Variants in PRELID2 observed in about 807,000 individuals in gnomAD.
The protein encoded by PRELID2 is PRELI domain containing 2.
In PRELID2, 25 loss-of-function variants were observed where a neutral mutation model predicts 28.4. The ratio of observed to expected loss-of-function variants is 0.88; its 90% confidence interval spans 0.64 to 1.23. PRELID2 has a LOEUF of 1.23. Ranked by LOEUF, PRELID2 falls within the 50% of genes most tolerant of loss-of-function variation. PRELID2 has a pLI of 0.00. For synonymous variants in PRELID2, 76 were observed against 71.6 expected (o/e 1.06, Z -0.31); for missense variants, 201 against 214.4 (o/e 0.94, Z 0.39).
At chr5:145,334,030 G>A in the PRELID2 span, among the ~76,000 whole-genome samples, 2 of 152,080 alleles carry the variant, frequency 1.3e-5, no homozygotes, top group African/African-American at 4.8e-5. Flanking sequence ...TTAGCTAGGG[G>A]AGGGAATTCC....
chr5:145,592,425 A>C (rs1457940189), intron 1 of PRELID2, among the ~76,000 whole-genome samples: 3 of 151,790 alleles, frequency 2.0e-5, no homozygotes, highest in Non-Finnish European at 4.4e-5. Context: ...GTCTCAAAAA[A>C]AAAATTGTAT....
At chr5:145,498,758 T>C (rs1752330037) in intron 1 of PRELID2, among the ~76,000 whole-genome samples, 1 of 152,008 alleles carries the variant, frequency 6.6e-6, no homozygotes, top group African/African-American at 2.4e-5. Flanking sequence ...GGTTTCACCA[T>C]GTTGGCCAAA....
At chr5:145,770,576 T>C (rs1390172406) in intron 5 of PRELID2, among the ~76,000 whole-genome samples, 1 of 152,132 alleles carries the variant, frequency 6.6e-6, no homozygotes, top group South Asian at 2.1e-4. Flanking sequence ...AAGGCATTGT[T>C]ATCACAGCAG....
At chr5:145,612,327 A>T (rs962685498) in intron 1 of PRELID2, among the ~76,000 whole-genome samples, 1 of 152,234 alleles carries the variant, frequency 6.6e-6, no homozygotes, top group African/African-American at 2.4e-5. Context: ...ACACTTTTCC[A>T]TCCAAAACAC....
At chr5:145,619,478 A>G (rs79514758) in intron 1 of PRELID2, among the ~76,000 whole-genome samples, 1 of 152,214 alleles carries the variant, frequency 6.6e-6, no homozygotes. Context: ...CAGTTTCCCT[A>G]GCAGGAGTGT....
At chr5:145,394,455 A>G in the PRELID2 span, among the ~76,000 whole-genome samples, 1 of 150,686 alleles carries the variant, frequency 6.6e-6, no homozygotes, top group Non-Finnish European at 1.5e-5. Context: ...AGGGGGAGGG[A>G]TAGCATTAGG....
At chr5:145,513,359 C>T (rs932937204) in intron 1 of PRELID2, among the ~76,000 whole-genome samples, 2 of 150,976 alleles carry the variant, frequency 1.3e-5, no homozygotes, top group African/African-American at 4.9e-5. Flanking sequence ...TATCAATAGC[C>T]GAACAGATCA....
chr5:145,308,050 G>C, the PRELID2 span, among the ~76,000 whole-genome samples: 6 of 152,164 alleles, frequency 3.9e-5, no homozygotes, highest in Admixed American at 3.3e-4. Context: ...CATTTGAAGG[G>C]AGGAAGCGGT....
the PRELID2 span, among the ~76,000 whole-genome samples, chr5:145,405,209 C>T: frequency 4.6e-5 from 7 of 152,024 alleles, no homozygotes; most frequent in Non-Finnish European, 8.8e-5. Context: ...AAAATTTCTC[C>T]ACAATGGCAG....
intron 4 of PRELID2, among the ~76,000 whole-genome samples, chr5:145,799,025 A>ATATATATATAT (rs1752953379): frequency 6.8e-6 from 1 of 147,956 alleles, no homozygotes; most frequent in African/African-American, 2.5e-5. Context: ...AGTATAATAA[A>ATATATATATAT]ATATATATAT....
chr5:145,615,854 G>T (rs540919267), intron 1 of PRELID2, among the ~76,000 whole-genome samples: 1 of 152,296 alleles, frequency 6.6e-6, no homozygotes, highest in Non-Finnish European at 1.5e-5. Context: ...ATGCTTTAAA[G>T]AGGTTCTGAT....
chr5:145,336,370 A>T, the PRELID2 span, among the ~76,000 whole-genome samples: 33 of 151,244 alleles, frequency 2.2e-4, no homozygotes, highest in African/African-American at 7.8e-4. Context: ...CTGAATGGTA[A>T]TGCCTAGGTT....
the PRELID2 span, among the ~76,000 whole-genome samples, chr5:145,441,553 T>A: frequency 6.6e-6 from 1 of 152,114 alleles, no homozygotes; most frequent in East Asian, 1.9e-4. Context: ...TTATCATAAT[T>A]ATCATAAGTC....
the PRELID2 span, among the ~76,000 whole-genome samples, chr5:145,271,820 C>T: frequency 6.6e-6 from 1 of 152,188 alleles, no homozygotes; most frequent in African/African-American, 2.4e-5. Flanking sequence ...ATCTCTAAAA[C>T]TTACAGAATC....
At chr5:145,822,759 G>C (rs1424344024) in intron 2 of PRELID2, among the ~76,000 whole-genome samples, 1 of 152,006 alleles carries the variant, frequency 6.6e-6, no homozygotes, top group Non-Finnish European at 1.5e-5. Flanking sequence ...AAGAGTACCT[G>C]CCACATATTA....
chr5:145,738,477 C>CA (rs946503621), intron 1 of PRELID2, among the ~76,000 whole-genome samples: 2 of 151,198 alleles, frequency 1.3e-5, no homozygotes, highest in Admixed American at 6.6e-5. Context: ...AAAATGTGAG[C>CA]AAAAAAATAG....
chr5:145,389,278 A>T, the PRELID2 span, among the ~76,000 whole-genome samples: 1 of 152,142 alleles, frequency 6.6e-6, no homozygotes, highest in Non-Finnish European at 1.5e-5. Flanking sequence ...AAGATAGTAG[A>T]TGGAAGAGAA....
At chr5:145,650,312 A>G (rs1216089271) in intron 1 of PRELID2, among the ~76,000 whole-genome samples, 1 of 151,916 alleles carries the variant, frequency 6.6e-6, no homozygotes, top group Non-Finnish European at 1.5e-5. Flanking sequence ...ACTGAATGCC[A>G]GGATCACCTC....
intron 1 of PRELID2, among the ~76,000 whole-genome samples, chr5:145,744,066 A>T (rs747620889): frequency 1.2e-4 from 18 of 152,208 alleles, no homozygotes; most frequent in Non-Finnish European, 1.8e-4. Flanking sequence ...GACTGTGGCC[A>T]GAGTGCCTCT....
Sources: gnomAD v4.1 joint callset for allele counts (sites outside exome capture counted in the v4.1 genomes callset) on GRCh38, gnomAD v4.1.1 for gene constraint, MANE v1.5 for transcripts, NCBI Gene and HGNC (gene_info 2026-07-23, HGNC 2026-07-21) for gene names.